The following MIGA1 variants were observed in gnomAD, a reference collection of about 807,000 sequenced individuals.
The protein encoded by MIGA1 is family with sequence similarity 73, member A.
MIGA1 carries 58 observed loss-of-function variants against 82.0 expected under a neutral mutation model. The ratio of observed to expected loss-of-function variants is 0.71; its 90% CI spans 0.57 to 0.88. MIGA1 has a LOEUF of 0.88. Ranked by LOEUF, MIGA1 falls within the 40% of genes least tolerant of loss-of-function variation. The probability of loss-of-function intolerance (pLI) is 0.00; values close to 1 mark genes in which losing one functional copy is unlikely to be tolerated. For synonymous variants in MIGA1, 249 were observed against 253.6 expected (o/e 0.98, Z 0.17); for missense variants, 751 against 749.1 (o/e 1.00, Z -0.03).
intron 1 of MIGA1, among the ~76,000 whole-genome samples, chr1:77,782,378 C>A (rs963810181): frequency 1.3e-5 from 2 of 152,058 alleles, no homozygotes; most frequent in Non-Finnish European, 2.9e-5. Flanking sequence ...CTTATTAGTT[C>A]AGCTTCCTAT....
chr1:77,800,554 T>G (rs1682836555), intron 2 of MIGA1, among the ~76,000 whole-genome samples: 1 of 152,238 alleles, frequency 6.6e-6, no homozygotes, highest in African/African-American at 2.4e-5. Context: ...GTTCCTTTGC[T>G]TTTAGGTATT....
intron 8 of MIGA1, among the ~76,000 whole-genome samples, chr1:77,843,810 C>G (rs1356939252): frequency 6.6e-6 from 1 of 151,942 alleles, no homozygotes; most frequent in Admixed American, 6.6e-5. Flanking sequence ...TATAAATATT[C>G]ACTGTTGGCC....
chr1:77,806,978 C>T lies in MIGA1; in HGVS notation c.514C>T (p.Gln172Ter). Residue 172 changes from glutamine to a stop codon, truncating the protein, a stop_gained, in exon 5 of 16, where the codon CAG (glutamine) becomes TAG (stop). Transcript: ENST00000370791. LOFTEE classifies it high-confidence loss of function. Reference sequence around the variant, plus strand: ...CTTCTATCCATCTTAATTTTAGGTCCAGAGTGTCAATTCTTGTCATAGCTG... The same window carrying T: ...CTTCTATCCATCTTAATTTTAGGTCTAGAGTGTCAATTCTTGTCATAGCTG... 2.5e-6 allele frequency: 4 copies of T among 1,608,682 alleles called. No homozygotes were observed. The East Asian group carries it at 6.7e-5, about 27-fold the overall frequency.
At chr1:77,814,060 T>C (rs1170703355) in intron 6 of MIGA1, among the ~76,000 whole-genome samples, 193 bp downstream of exon 6, 1 of 151,982 alleles carries the variant, frequency 6.6e-6, no homozygotes, top group Admixed American at 6.6e-5. Context: ...AGGCTAATTT[T>C]AAATTTTTTG....
intron 8 of MIGA1, chr1:77,848,682 A>G (rs1684933656): frequency 3.2e-6 from 5 of 1,577,888 alleles, no homozygotes; most frequent in Non-Finnish European, 4.4e-6. Flanking sequence ...CACCTGAGGC[A>G]GTGAGCAAGT....
intron 7 of MIGA1, among the ~76,000 whole-genome samples, chr1:77,828,042 A>T (rs1043080796): frequency 3.3e-5 from 5 of 152,014 alleles, no homozygotes; most frequent in Non-Finnish European, 7.4e-5. Flanking sequence ...TGGGCAACAG[A>T]GTGAGACTTT....
intron 4 of MIGA1, 49 bp downstream of exon 4, chr1:77,803,455 TCTG>T: frequency 1.2e-6 from 1 of 856,218 alleles, no homozygotes; most frequent in Non-Finnish European, 1.7e-6. Context: ...TTATATGTCT[TCTG>T]TGATCTATTA....
At chr1:77,828,567 T>G (rs888581454) in intron 7 of MIGA1, among the ~76,000 whole-genome samples, 1 of 152,228 alleles carries the variant, frequency 6.6e-6, no homozygotes, top group Non-Finnish European at 1.5e-5. Flanking sequence ...TTAAAACTAA[T>G]TTTTTAAGTA....
At chr1:77,849,908 G>T (rs151250519) in intron 8 of MIGA1, among the ~76,000 whole-genome samples, 62 of 152,144 alleles carry the variant, frequency 4.1e-4, no homozygotes, top group Middle Eastern at 3.4e-3. Flanking sequence ...GGTGGCACAC[G>T]CCTGTAATCC....
intron 2 of MIGA1, 150 bp downstream of exon 2, chr1:77,783,501 C>T (rs547706885): frequency 2.2e-5 from 10 of 445,010 alleles, no homozygotes; most frequent in African/African-American, 4.0e-5. Context: ...GGTTATTTCA[C>T]GGGTTTTTGT....
intron 2 of MIGA1, among the ~76,000 whole-genome samples, chr1:77,796,926 C>G (rs1682680551): frequency 6.6e-6 from 1 of 152,196 alleles, no homozygotes. Flanking sequence ...AGTTCTTCAT[C>G]CCCAGAGTTC....
intron 8 of MIGA1, chr1:77,848,000 TCA>T: frequency 1.6e-6 from 2 of 1,232,024 alleles, no homozygotes; most frequent in Non-Finnish European, 2.4e-6. Context: ...AAAACCACTC[TCA>T]GTCACCTAGT....
rs1182755134 is a variant in MIGA1, at chr1:77,813,846, C to T, written c.750C>T (p.Ala250=). ...CCATTAAACTGGGTGCAGGAGATGC[C>T]ATTGCTGAAGAAAATGTAGATGTAA... Residue 250 remains alanine, a synonymous_variant, in exon 6 of 16, where the codon GCC becomes GCT. Coordinates refer to ENST00000370791, the MANE Select transcript of MIGA1 (RefSeq NM_198549.4). The T allele has an allele frequency of 1.2e-6, 2 of 1,614,052 alleles. No individual in the cohort carries two copies. The highest frequency in any genetic ancestry group is 1.1e-5 in the South Asian group (1 of 91,064).
At position 77,854,976 on chromosome 1, in the gene MIGA1, A is replaced by T. The variant is rs539190994; in HGVS notation, c.997-3962A>T. On this transcript the variant is annotated intron_variant, in intron 8 of 15. Transcript: ENST00000370791. ...AGTCATGAAATCCTTGCCTAAGCCA[A>T]TGTCTAGAAGGGTTTTTCCAATGTT... Among the ~76,000 whole-genome samples the T allele has an allele frequency of 2.6e-5, 4 of 152,316 alleles. No individual in the cohort carries two copies. In the South Asian group the frequency reaches 8.3e-4, roughly 32 times the overall value.
At chr1:77,796,127 T>C (rs1682644038) in intron 2 of MIGA1, among the ~76,000 whole-genome samples, 1 of 151,944 alleles carries the variant, frequency 6.6e-6, no homozygotes, top group South Asian at 2.1e-4. Flanking sequence ...ACTTAATTTT[T>C]TTTTTTTTTG....
chr1:77,833,134 C>T (rs1684306227), intron 7 of MIGA1, among the ~76,000 whole-genome samples: 1 of 152,162 alleles, frequency 6.6e-6, no homozygotes, highest in African/African-American at 2.4e-5. Flanking sequence ...CAAATGTCAG[C>T]CCCAAGTTGA....
At chr1:77,811,000 A>C in intron 5 of MIGA1, 8 of 1,612,636 alleles carry the variant, frequency 5.0e-6, no homozygotes, top group Non-Finnish European at 6.8e-6. Flanking sequence ...ATCCATCTCC[A>C]TGAAAGCAAA....
chr1:77,836,711 C>T (rs1281243027), intron 7 of MIGA1, among the ~76,000 whole-genome samples: 2 of 152,138 alleles, frequency 1.3e-5, no homozygotes, highest in Non-Finnish European at 2.9e-5. Context: ...TGCTGGCTGG[C>T]TGAATCAGAA....
chr1:77,811,294 T>A, intron 5 of MIGA1: 2 of 1,599,690 alleles, frequency 1.3e-6, no homozygotes, highest in South Asian at 2.2e-5. Flanking sequence ...CATTCCTGGT[T>A]CCGATGGCAA....
Sources: gnomAD v4.1 joint callset for allele counts (sites outside exome capture counted in the v4.1 genomes callset) on GRCh38, gnomAD v4.1.1 for gene constraint, MANE v1.5 for transcripts, NCBI Gene and HGNC (gene_info 2026-07-23, HGNC 2026-07-21) for gene names.